The following SNAPC4 variants were observed in gnomAD, a reference collection of about 807,000 sequenced individuals.
SNAPC4 encodes snRNA-activating protein complex subunit 4.
In SNAPC4, 127 loss-of-function variants were observed where a neutral mutation model predicts 151.3. That is an observed-to-expected ratio of 0.84 (90% CI 0.73 to 0.97). SNAPC4 has a LOEUF of 0.97. Among genes scored for constraint, SNAPC4 ranks in the 50% least tolerant of loss-of-function variants. The pLI, the probability that SNAPC4 is intolerant of heterozygous loss-of-function variation, is 0.00. For synonymous variants in SNAPC4, 1,002 were observed against 824.4 expected (o/e 1.22, Z -3.69); for missense variants, 2,186 against 1,935.0 (o/e 1.13, Z -2.43).
intron 7 of SNAPC4, among the ~76,000 whole-genome samples, chr9:136,393,831 C>T (rs1834166099): frequency 6.6e-6 from 1 of 152,224 alleles, no homozygotes; most frequent in South Asian, 2.1e-4. Flanking sequence ...CTGGCAAGAC[C>T]CGCTGCAGAG....
rs1395471380 is a variant in SNAPC4, at chr9:136,398,280, C to A, written c.130+19G>T. ...CTGTTCTTACCAGGACCCCAGGAGG[C>A]TAGGTACAAGGGGCTTACCTGCTTC... On this transcript the variant is annotated intron_variant, in intron 2 of 23. Coordinates refer to ENST00000684778, the MANE Select transcript of SNAPC4 (RefSeq NM_003086.4). 2 of 1,602,648 alleles carry A rather than the reference C, an allele frequency of 1.2e-6. No homozygotes were observed. Among genetic ancestry groups the A allele is most frequent in the Admixed American group, 1.7e-5 (1 of 59,572 alleles).
intron 13 of SNAPC4, among the ~76,000 whole-genome samples, chr9:136,386,129 C>T (rs1209477866): frequency 3.3e-5 from 5 of 150,596 alleles, no homozygotes; most frequent in African/African-American, 7.3e-5. Flanking sequence ...TTCTCGACAT[C>T]CTTGCCAACA....
chr9:136,378,281 C>T lies in SNAPC4; in HGVS notation c.3546G>A (p.Arg1182=), dbSNP rs1833542292. ...AFVPGEAQVA[R]EIPEPRTSSH... ...AGGACGTCCTGGGCTCAGGTATCTCCCTGGCCACCTGGGCCTCTCCAGGGA... is the reference window on the plus strand; with the variant it reads ...AGGACGTCCTGGGCTCAGGTATCTCTCTGGCCACCTGGGCCTCTCCAGGGA... Residue 1182 remains arginine, a synonymous_variant, in exon 22 of 24, where the codon AGG becomes AGA. Transcript: ENST00000684778. 9 of 1,604,814 alleles carry T rather than the reference C, an allele frequency of 5.6e-6. No individual in the cohort carries two copies. Among genetic ancestry groups the T allele is most frequent in the Middle Eastern group, 1.6e-4 (1 of 6,068 alleles).
At position 136,383,962 on chromosome 9, in the gene SNAPC4, G is replaced by T. The variant is rs1017502603; in HGVS notation, c.1491C>A (p.Ile497=). ...SGSQCLSKWK[I]MMGKKQGLRR... is the part of the protein sequence containing the mutation. The stretch of plus-strand genomic sequence containing the variant: ...GGAGCGAGTGGCTCACCCCCATCAT[G>T]ATCTTCCACTTGCTCAGACACTGGG... The change falls in exon 15 of 24, where the codon ATC becomes ATA. Residue 497 remains isoleucine (I), a synonymous_variant. Transcript: ENST00000684778. The surrounding 1 kb of genome is among the most constrained non-coding windows in gnomAD (Gnocchi z 4.2). 1.9e-6 allele frequency: 3 copies of T among 1,613,214 alleles called. No homozygotes were observed. The highest frequency in any genetic ancestry group is 3.3e-5 in the Admixed American group (2 of 59,988).
chr9:136,394,715 G>T (rs973551971), intron 6 of SNAPC4, 85 bp downstream of exon 6: 44 of 1,253,020 alleles, frequency 3.5e-5, no homozygotes, highest in Non-Finnish European at 4.7e-5. Context: ...AGAGGTCTGA[G>T]AACTTGGGGA....
At position 136,394,301 on chromosome 9, in the gene SNAPC4, T is replaced by G. The variant is rs369078171; in HGVS notation, c.580A>C (p.Lys194Gln). ...TGCAGGCGGTCACTCACCACTGACTTTCGGAGCAAGGCCTTTTCCCAGTTT... is the reference window on the plus strand; with the variant it reads ...TGCAGGCGGTCACTCACCACTGACTGTCGGAGCAAGGCCTTTTCCCAGTTT... ...WKNWEKALLR[K>Q]SVVSDRLQRL... The change falls in exon 7 of 24, where the codon AAG becomes CAG. Residue 194 changes from lysine to glutamine, a missense_variant. Transcript: ENST00000684778. 10 of 1,613,838 alleles carry G rather than the reference T, an allele frequency of 6.2e-6. No individual in the cohort carries two copies. In the African/African-American group the frequency reaches 1.3e-4, roughly 22 times the overall value.
rs1341064406 is a variant in SNAPC4, at chr9:136,377,655, G to A, written c.4172C>T (p.Ser1391Leu). Residue 1391 changes from serine to leucine, a missense_variant, in exon 22 of 24, where the codon TCA (serine) becomes TTA (leucine). Physicochemically the swap from Ser to Leu is moderately radical, Grantham distance 145 (BLOSUM62 -2). Transcript: ENST00000684778. ...CTCAGAGCCCACCCTCGAAGGTACT[G>A]AGAGGGTGGTGCGGACGCCTTGGGG... ...LAPQGVRTTL[S>L]VPSRVGSESE... is the part of the protein sequence containing the mutation. 3 of 1,603,490 alleles carry A rather than the reference G, an allele frequency of 1.9e-6. No homozygotes were observed. The highest frequency in any genetic ancestry group is 1.7e-5 in the Admixed American group (1 of 59,238).
chr9:136,377,787 G>A lies in SNAPC4; in HGVS notation c.4040C>T (p.Ser1347Leu), dbSNP rs1327199331. The change falls in exon 22 of 24, where the codon TCA becomes TTA. Residue 1347 changes from serine (S) to leucine (L), a missense_variant. Ser to Leu is a moderately radical substitution (Grantham distance 145). Transcript: ENST00000684778. Reference protein sequence around the residue: ...AERPAGALQASLGLVRGQLQD... With the variant: ...AERPAGALQALLGLVRGQLQD... ...GAGCTGCCCCCGCACCAGCCCCAGT[G>A]AGGCTTGCAGTGCTCCGGCCGGCCG... 3.7e-6 allele frequency: 6 copies of A among 1,611,960 alleles called. No individual in the cohort carries two copies. The East Asian group carries it at 1.3e-4, about 36-fold the overall frequency.
At position 136,383,225 on chromosome 9, in the gene SNAPC4, T is replaced by C. The variant is rs1833763198; in HGVS notation, c.1944A>G (p.Ala648=). The C allele has an allele frequency of 1.3e-6, 2 of 1,570,748 alleles. No individual in the cohort carries two copies. The highest frequency in any genetic ancestry group is 1.7e-6 in the Non-Finnish European group (2 of 1,160,140). Residue 648 remains alanine (A), a synonymous_variant, in exon 16 of 24, where the codon GCA becomes GCG. Coordinates refer to ENST00000684778, the MANE Select transcript of SNAPC4 (RefSeq NM_003086.4). The surrounding 1 kb of genome is among the most constrained non-coding windows in gnomAD (Gnocchi z 4.2). The part of the protein sequence containing the change: ...VPRSAQASHS[A]DTRPAGAEKQ... The stretch of plus-strand genomic sequence containing the variant: ...TCTCTGCGCCCGCCGGGCGAGTGTC[T>C]GCTGAGTGGGAGGCCTGGGCAGACC...
In SNAPC4 at chr9:136,395,423, C is replaced by A; in HGVS notation, c.346G>T (p.Glu116Ter). 6.2e-7 allele frequency: 1 copy of A among 1,612,320 alleles called. No individual in the cohort carries two copies. Residue 116 changes from glutamate (E) to a stop codon, truncating the protein, a stop_gained and splice_region_variant, in exon 5 of 24, where the codon GAG becomes TAG. Coordinates refer to ENST00000684778, the MANE Select transcript of SNAPC4 (RefSeq NM_003086.4). LOFTEE classifies it high-confidence loss of function. ...CCAGCCAGATCCCTCATGAGTTCCT[C>A]CTGTGACAGACACAAGGCAGGGACC... is the stretch of plus-strand genomic sequence containing the variant. ...LLLAQNREQQ[E>*]ELMRDLAGSK...
intron 10 of SNAPC4, among the ~76,000 whole-genome samples, chr9:136,390,898 G>A (rs113290997): frequency 6.0e-5 from 9 of 150,952 alleles, no homozygotes; most frequent in Admixed American, 2.6e-4. Context: ...GCAGTGGCGC[G>A]ACGTCCGCTC....
chr9:136,395,819 C>T (rs1272269240), intron 3 of SNAPC4, 49 bp from the exon 4 acceptor site: 2 of 1,557,188 alleles, frequency 1.3e-6, no homozygotes, highest in Non-Finnish European at 8.8e-7. Context: ...CGTGGATGCT[C>T]CCCTGTCCTC....
chr9:136,399,691 G>A (rs1376716899), intron 1 of SNAPC4, among the ~76,000 whole-genome samples: 1 of 152,200 alleles, frequency 6.6e-6, no homozygotes, highest in East Asian at 1.9e-4. Flanking sequence ...CCCAGACTCG[G>A]CTGGGCCCAG....
Position 136,381,032 on chromosome 9 carries a change from C to G in SNAPC4, c.2389-182G>C, listed in dbSNP as rs534167080. 4.6e-5 allele frequency among the ~76,000 whole-genome samples: 7 copies of G among 152,288 alleles called. No homozygotes were observed. The East Asian group carries it at 9.7e-4, about 21-fold the overall frequency. On this transcript the variant is annotated intron_variant, in intron 19 of 23. Coordinates refer to ENST00000684778, the MANE Select transcript of SNAPC4 (RefSeq NM_003086.4). ...TGAGGCTGTGGACATCCAGGATGGC[C>G]TCCCATGAGACCCAGGCCTGCTCTC... is the stretch of plus-strand genomic sequence containing the variant.
chr9:136,384,294 A>G (rs1239578576), intron 14 of SNAPC4, among the ~76,000 whole-genome samples: 1 of 152,084 alleles, frequency 6.6e-6, no homozygotes, highest in Non-Finnish European at 1.5e-5. Context: ...GCCCTCACAT[A>G]TCTGCTCCCC....
At chr9:136,382,720 T>A (rs1024920651) in intron 16 of SNAPC4, among the ~76,000 whole-genome samples, 20 of 152,208 alleles carry the variant, frequency 1.3e-4, no homozygotes, top group African/African-American at 4.8e-4. Context: ...GACCAGCCTG[T>A]TCAACTCTGA....
rs368067674 is a variant in SNAPC4, at chr9:136,383,242, G to A, written c.1927C>T (p.Gln643Ter). The A allele has an allele frequency of 1.0e-5, 16 of 1,595,472 alleles. No homozygotes were observed. Among genetic ancestry groups the A allele is most frequent in the East Asian group, 2.2e-5 (1 of 44,650 alleles). ...CGAGTGTCTGCTGAGTGGGAGGCCT[G>A]GGCAGACCTCGGGACAGGGCCGTGG... ...RAHGPVPRSA[Q>*]ASHSADTRPA... Residue 643 changes from glutamine (Q) to a stop codon, truncating the protein, a stop_gained, in exon 16 of 24, where the codon CAG becomes TAG. Coordinates refer to ENST00000684778, the MANE Select transcript of SNAPC4 (RefSeq NM_003086.4). LOFTEE classifies it high-confidence loss of function. The surrounding 1 kb of genome is among the most constrained non-coding windows in gnomAD (Gnocchi z 4.2).
chr9:136,382,184 G>C, intron 17 of SNAPC4, 69 bp downstream of exon 17: 1 of 1,596,524 alleles, frequency 6.3e-7, no homozygotes, highest in Non-Finnish European at 8.5e-7. Context: ...GATCGACGGG[G>C]AGAGGAATCA....
chr9:136,378,349 G>A lies in SNAPC4; in HGVS notation c.3478C>T (p.Leu1160Phe). Reference sequence around the variant, plus strand: ...TCCGCTTCTGCAGGACTTTGGGAGAGGGCGTGTGTGGGAGGAGCTGGGGTG... The same window carrying A: ...TCCGCTTCTGCAGGACTTTGGGAGAAGGCGTGTGTGGGAGGAGCTGGGGTG... The part of the protein sequence containing the change: ...TDTPAPPTHA[L>F]SQSPAEADGS... The change falls in exon 22 of 24, where the codon CTC becomes TTC. Residue 1160 changes from leucine to phenylalanine, a missense_variant. Coordinates refer to ENST00000684778, the MANE Select transcript of SNAPC4 (RefSeq NM_003086.4). 1.9e-6 allele frequency: 3 copies of A among 1,609,174 alleles called. No homozygotes were observed. The highest frequency in any genetic ancestry group is 2.5e-6 in the Non-Finnish European group (3 of 1,178,514).
Sources: gnomAD v4.1 joint callset for allele counts (sites outside exome capture counted in the v4.1 genomes callset) on GRCh38, gnomAD v4.1.1 for gene constraint, Gnocchi (gnomAD v3.1) non-coding constraint, MANE v1.5 for transcripts, NCBI Gene and HGNC (gene_info 2026-07-23, HGNC 2026-07-21) for gene names.